POU6F2: variants seen among roughly 807,000 people sequenced by gnomAD.
POU6F2 encodes the protein POU class 6 homeobox 2, also known as POU domain, class 6, transcription factor 2.
A neutral mutation model predicts 71.3 loss-of-function variants in POU6F2; 31 were observed. The ratio of observed to expected loss-of-function variants is 0.43; its 90% confidence interval spans 0.33 to 0.59. POU6F2 has a LOEUF of 0.59. Among genes scored for constraint, POU6F2 ranks in the 20% least tolerant of loss-of-function variants. The pLI is 0.04. For missense variants in POU6F2, 783 were observed against 856.8 expected (o/e 0.91, Z 1.07); for synonymous variants, 347 against 355.7 (o/e 0.98, Z 0.27).
At chr7:39,085,655 G>A (rs1791223375) in intron 1 of POU6F2, 1 of 541,176 alleles carries the variant, frequency 1.8e-6, no homozygotes, top group Admixed American at 3.0e-5. Flanking sequence ...GGGAGTAATG[G>A]AGAACTCATC....
At chr7:39,188,147 T>C (rs990414420) in intron 2 of POU6F2, among the ~76,000 whole-genome samples, 2 of 152,212 alleles carry the variant, frequency 1.3e-5, no homozygotes, top group African/African-American at 4.8e-5. Context: ...AGTAATCTCT[T>C]TAAGTCTCAC....
chr7:39,223,881 TATAGTA>T (rs1301588985), intron 4 of POU6F2, among the ~76,000 whole-genome samples: 3 of 152,218 alleles, frequency 2.0e-5, no homozygotes, highest in Non-Finnish European at 4.4e-5. Flanking sequence ...GCCTTCAAGT[TATAGTA>T]ACAAAATTAA....
At chr7:39,418,182 T>A (rs1787726470) in intron 6 of POU6F2, among the ~76,000 whole-genome samples, 1 of 152,236 alleles carries the variant, frequency 6.6e-6, no homozygotes. Context: ...GTATTTTGTT[T>A]TGTTCACTGC....
At chr7:39,308,800 C>A (rs907869834) in intron 4 of POU6F2, among the ~76,000 whole-genome samples, 1 of 152,130 alleles carries the variant, frequency 6.6e-6, no homozygotes, top group Non-Finnish European at 1.5e-5. Flanking sequence ...ATGTACCCCA[C>A]CCCATCCCAG....
intron 1 of POU6F2, among the ~76,000 whole-genome samples, chr7:39,061,046 C>T (rs1438446771): frequency 6.6e-6 from 1 of 151,616 alleles, no homozygotes; most frequent in Non-Finnish European, 1.5e-5. Context: ...ACAAAGAAAT[C>T]TTACCAGATT....
intron 4 of POU6F2, among the ~76,000 whole-genome samples, chr7:39,251,454 G>A (rs1223238497): frequency 1.3e-5 from 2 of 152,196 alleles, no homozygotes; most frequent in Admixed American, 1.3e-4. Flanking sequence ...AGGCCAGAGT[G>A]TGGAGGAGGA....
intron 2 of POU6F2, among the ~76,000 whole-genome samples, chr7:39,182,754 T>C (rs968807344): frequency 2.0e-5 from 3 of 152,204 alleles, no homozygotes; most frequent in Admixed American, 2.0e-4. Flanking sequence ...CCAGTCTTCC[T>C]GAGAGCTCAT....
At chr7:39,433,319 A>G in intron 7 of POU6F2, 36 bp downstream of exon 7, 1 of 1,609,428 alleles carries the variant, frequency 6.2e-7, no homozygotes, top group Non-Finnish European at 8.5e-7. Context: ...ATGGCACAGG[A>G]CACTGTCCTT....
intron 2 of POU6F2, among the ~76,000 whole-genome samples, chr7:39,192,175 T>A (rs1793683072): frequency 6.6e-6 from 1 of 152,262 alleles, no homozygotes; most frequent in African/African-American, 2.4e-5. Flanking sequence ...TACAATTTCA[T>A]GCAATGTAAT....
At chr7:39,202,907 TCTC>T (rs1306206885) in intron 2 of POU6F2, among the ~76,000 whole-genome samples, 1 of 152,236 alleles carries the variant, frequency 6.6e-6, no homozygotes, top group African/African-American at 2.4e-5. Flanking sequence ...TTGTAAGTAT[TCTC>T]CAAGCAATGT....
chr7:39,226,237 G>C (rs1794458325), intron 4 of POU6F2, among the ~76,000 whole-genome samples: 1 of 152,156 alleles, frequency 6.6e-6, no homozygotes, highest in African/African-American at 2.4e-5. Flanking sequence ...ACATTTATCT[G>C]TGTTCTGCAT....
chr7:39,218,267 A>T (rs1284081968), intron 4 of POU6F2, among the ~76,000 whole-genome samples: 1 of 152,184 alleles, frequency 6.6e-6, no homozygotes, highest in African/African-American at 2.4e-5. Context: ...GATGGAAGGG[A>T]AGCAGGTTTA....
chr7:39,012,797 G>C (rs1362138032), intron 1 of POU6F2, among the ~76,000 whole-genome samples: 1 of 151,062 alleles, frequency 6.6e-6, no homozygotes. Context: ...TGAGGTGTCA[G>C]TGTGCCCCTG....
intron 4 of POU6F2, among the ~76,000 whole-genome samples, chr7:39,279,290 C>T (rs540603706): frequency 7.7e-4 from 86 of 112,108 alleles, no homozygotes; most frequent in African/African-American, 2.1e-3. Flanking sequence ...TGCCACCTGC[C>T]GACCTTCCCA....
intron 5 of POU6F2, among the ~76,000 whole-genome samples, chr7:39,403,757 C>T (rs999694980): frequency 6.6e-6 from 1 of 152,216 alleles, no homozygotes; most frequent in Non-Finnish European, 1.5e-5. Context: ...TTCCCTCCCA[C>T]ATATTTTAAT....
intron 5 of POU6F2, among the ~76,000 whole-genome samples, chr7:39,386,356 T>G (rs548026881): frequency 6.6e-6 from 1 of 152,294 alleles, no homozygotes; most frequent in African/African-American, 2.4e-5. Context: ...TGGAACTCTA[T>G]CTAGGTGACA....
chr7:39,363,288 G>T (rs576995011), intron 5 of POU6F2, among the ~76,000 whole-genome samples: 1 of 152,238 alleles, frequency 6.6e-6, no homozygotes, highest in East Asian at 1.9e-4. Flanking sequence ...TGTCTGCAAC[G>T]ATTTTGACCT....
intron 1 of POU6F2, among the ~76,000 whole-genome samples, chr7:39,066,472 A>T (rs1790755341): frequency 6.6e-6 from 1 of 151,784 alleles, no homozygotes; most frequent in Non-Finnish European, 1.5e-5. Context: ...AAGAGAATCA[A>T]CCGAAAACTC....
chr7:39,370,828 A>G (rs943845572), intron 5 of POU6F2, among the ~76,000 whole-genome samples: 1 of 152,218 alleles, frequency 6.6e-6, no homozygotes, highest in African/African-American at 2.4e-5. Context: ...TTGAACTTCA[A>G]CATGGGCTCT....
Sources: gnomAD v4.1 joint callset for allele counts (sites outside exome capture counted in the v4.1 genomes callset) on GRCh38, gnomAD v4.1.1 for gene constraint, MANE v1.5 for transcripts, NCBI Gene and HGNC (gene_info 2026-07-23, HGNC 2026-07-21) for gene names.